The following CPQ variants were observed in gnomAD, a reference collection of about 807,000 sequenced individuals.
CPQ encodes Ser-Met dipeptidase.
CPQ carries 37 observed loss-of-function variants against 45.7 expected under a neutral mutation model. That is an observed-to-expected ratio of 0.81 (90% CI 0.62 to 1.07). CPQ has a LOEUF of 1.07. CPQ is among the 50% of genes least tolerant of loss of function. The probability of loss-of-function intolerance (pLI) is 0.00; values close to 1 mark genes in which losing one functional copy is unlikely to be tolerated. For synonymous variants in CPQ, 186 were observed against 205.8 expected, an observed-to-expected ratio of 0.90 and a Z score of 0.82; for missense variants, 537 against 572.9, an observed-to-expected ratio of 0.94 and a Z score of 0.64.
intron 6 of CPQ, among the ~76,000 whole-genome samples, chr8:97,045,772 CT>C (rs1810244950): frequency 6.6e-6 from 1 of 152,220 alleles, no homozygotes; most frequent in Non-Finnish European, 1.5e-5. Flanking sequence ...ATTTTCTGTG[CT>C]TCCACGACAC....
chr8:96,956,834 C>G (rs996989936), intron 4 of CPQ, among the ~76,000 whole-genome samples: 2 of 152,152 alleles, frequency 1.3e-5, no homozygotes, highest in Non-Finnish European at 2.9e-5. Flanking sequence ...AGTCTCAACA[C>G]AGGAGTTATT....
chr8:96,679,699 A>G (rs112013192), intron 1 of CPQ, among the ~76,000 whole-genome samples: 3,677 of 150,994 alleles, frequency 0.024, 165 homozygotes, highest in African/African-American at 0.084. Flanking sequence ...ATTTGTTAAA[A>G]TATAGCTGTT....
chr8:96,714,820 T>TC (rs1448856813), intron 1 of CPQ, among the ~76,000 whole-genome samples: 1 of 152,164 alleles, frequency 6.6e-6, no homozygotes, highest in Non-Finnish European at 1.5e-5. Flanking sequence ...TTCTTTTTTT[T>TC]CCCTCTTGAT....
intron 3 of CPQ, among the ~76,000 whole-genome samples, chr8:96,868,981 T>A (rs976705694): frequency 1.3e-5 from 2 of 152,020 alleles, no homozygotes; most frequent in Non-Finnish European, 2.9e-5. Flanking sequence ...CTAGAATGTA[T>A]ACATCTAATC....
chr8:96,861,444 G>A (rs1811924794), intron 3 of CPQ, among the ~76,000 whole-genome samples: 1 of 151,988 alleles, frequency 6.6e-6, no homozygotes, highest in South Asian at 2.1e-4. Context: ...GGTTGTTTAG[G>A]TCATTAAGCT....
intron 1 of CPQ, among the ~76,000 whole-genome samples, chr8:96,706,489 T>G (rs1809532405): frequency 6.6e-6 from 1 of 152,140 alleles, no homozygotes; most frequent in South Asian, 2.1e-4. Flanking sequence ...GGGGAGATAC[T>G]GCTAAGTTGG....
intron 1 of CPQ, among the ~76,000 whole-genome samples, chr8:96,716,519 C>A (rs994796721): frequency 6.6e-6 from 1 of 152,106 alleles, no homozygotes; most frequent in African/African-American, 2.4e-5. Context: ...TCCACTATAT[C>A]ACTCTTAGGC....
At chr8:97,032,837 C>T (rs1170680396) in intron 6 of CPQ, among the ~76,000 whole-genome samples, 1 of 152,190 alleles carries the variant, frequency 6.6e-6, no homozygotes, top group African/African-American at 2.4e-5. Context: ...GTTAGTATAA[C>T]AAACCATATA....
chr8:96,758,020 T>C (rs889949596), intron 1 of CPQ, among the ~76,000 whole-genome samples: 1 of 152,230 alleles, frequency 6.6e-6, no homozygotes, highest in African/African-American at 2.4e-5. Flanking sequence ...TGTCATGGAT[T>C]TAGGTGAATT....
chr8:96,711,774 G>T (rs984403332), intron 1 of CPQ, among the ~76,000 whole-genome samples: 6 of 152,046 alleles, frequency 3.9e-5, no homozygotes, highest in African/African-American at 1.5e-4. Context: ...TTTGTGTGGA[G>T]ACACAGCCAA....
intron 6 of CPQ, among the ~76,000 whole-genome samples, chr8:97,052,580 C>T (rs566135675): frequency 1.3e-5 from 2 of 152,146 alleles, no homozygotes; most frequent in East Asian, 1.9e-4. Context: ...TACTGTTGCT[C>T]ATCTCCTTCT....
chr8:97,014,917 C>T (rs997925687), intron 5 of CPQ, among the ~76,000 whole-genome samples: 3 of 152,016 alleles, frequency 2.0e-5, no homozygotes, highest in Non-Finnish European at 4.4e-5. Context: ...TTAAAAAAAA[C>T]TTATGCTTCA....
chr8:97,103,619 T>G (rs182968714), intron 7 of CPQ, among the ~76,000 whole-genome samples: 1 of 152,268 alleles, frequency 6.6e-6, no homozygotes, highest in Non-Finnish European at 1.5e-5. Context: ...TTGCATTGGG[T>G]GCATTCCTCA....
At chr8:96,993,253 C>T (rs1809125718) in intron 5 of CPQ, among the ~76,000 whole-genome samples, 3 of 152,130 alleles carry the variant, frequency 2.0e-5, no homozygotes, top group African/African-American at 7.2e-5. Flanking sequence ...GCATTATTTG[C>T]TTCTTGAATA....
intron 5 of CPQ, among the ~76,000 whole-genome samples, chr8:96,995,131 T>C (rs1431826929): frequency 6.6e-6 from 1 of 152,102 alleles, no homozygotes; most frequent in East Asian, 1.9e-4. Context: ...GCTCTATCAC[T>C]TGTTGGGTAT....
intron 4 of CPQ, among the ~76,000 whole-genome samples, chr8:96,897,632 T>C (rs1812460441): frequency 6.6e-6 from 1 of 152,212 alleles, no homozygotes; most frequent in Non-Finnish European, 1.5e-5. Context: ...GTATAAGGTG[T>C]ATAAGAAACA....
chr8:97,017,252 C>A (rs1809597072), intron 5 of CPQ, among the ~76,000 whole-genome samples: 1 of 152,150 alleles, frequency 6.6e-6, no homozygotes, highest in Non-Finnish European at 1.5e-5. Context: ...GGAGAAAAGT[C>A]CCTGTGGGCT....
At chr8:97,051,240 T>G (rs1036862680) in intron 6 of CPQ, among the ~76,000 whole-genome samples, 1 of 152,214 alleles carries the variant, frequency 6.6e-6, no homozygotes, top group Admixed American at 6.5e-5. Context: ...TATGGACCTC[T>G]TTTCAAATAA....
At chr8:97,101,916 CT>C in intron 7 of CPQ, among the ~76,000 whole-genome samples, 1 of 12,156 alleles carries the variant, frequency 8.2e-5, no homozygotes, top group African/African-American at 1.8e-4. Context: ...ATTGGTGGCT[CT>C]CTCTCTCTCT....
Sources: allele counts gnomAD v4.1 joint callset (sites outside exome capture counted in the v4.1 genomes callset), GRCh38; gene constraint gnomAD v4.1.1; transcripts MANE v1.5; gene names NCBI Gene and HGNC (gene_info 2026-07-23, HGNC 2026-07-21).